Variants in NEGR1 observed in about 807,000 individuals in gnomAD.
NEGR1 encodes the protein neuronal growth regulator 1, also known as IgLON family member 4.
Under a neutral mutation model 40.9 loss-of-function variants are expected in NEGR1, and 10 were observed. That is an observed-to-expected ratio of 0.24 (90% confidence interval 0.15 to 0.42). The LOEUF is 0.42. Ranked by LOEUF, NEGR1 falls within the 10% of genes least tolerant of loss-of-function variation. The pLI is 1.00. For missense variants in NEGR1, 352 were observed against 438.9 expected, an observed-to-expected ratio of 0.80 and a Z score of 1.77; for synonymous variants, 185 against 166.8, an observed-to-expected ratio of 1.11 and a Z score of -0.84.
intron 6 of NEGR1, among the ~76,000 whole-genome samples, chr1:71,526,221 CT>C (rs1647214693): frequency 6.6e-6 from 1 of 151,448 alleles, no homozygotes. Flanking sequence ...GAAATATATT[CT>C]GAGCTGTCTT....
At chr1:71,692,377 T>A (rs1653316192) in intron 4 of NEGR1, among the ~76,000 whole-genome samples, 1 of 151,672 alleles carries the variant, frequency 6.6e-6, no homozygotes, top group Admixed American at 6.6e-5. Flanking sequence ...GTTAGGGGCA[T>A]AAAATGGATC....
intron 4 of NEGR1, among the ~76,000 whole-genome samples, chr1:71,662,378 C>T (rs1395711598): frequency 1.3e-5 from 2 of 152,150 alleles, no homozygotes; most frequent in Admixed American, 6.5e-5. Flanking sequence ...AGTGGTTATG[C>T]ATGGAGAACG....
intron 1 of NEGR1, among the ~76,000 whole-genome samples, chr1:72,219,809 C>G (rs989319575): frequency 1.3e-5 from 2 of 152,134 alleles, no homozygotes; most frequent in Non-Finnish European, 2.9e-5. Context: ...GTTTACAAAC[C>G]AGCTAACAAT....
At chr1:72,128,771 A>G (rs1650127930) in intron 1 of NEGR1, among the ~76,000 whole-genome samples, 1 of 152,114 alleles carries the variant, frequency 6.6e-6, no homozygotes, top group South Asian at 2.1e-4. Flanking sequence ...TATTTTCGGT[A>G]AACATTATTT....
intron 1 of NEGR1, among the ~76,000 whole-genome samples, chr1:72,174,986 C>CT (rs1196728897): frequency 1.3e-5 from 2 of 151,360 alleles, no homozygotes; most frequent in Non-Finnish European, 1.5e-5. Flanking sequence ...TATTATTATA[C>CT]TTTAAGTTTT....
chr1:72,124,961 C>T (rs1158895931), intron 1 of NEGR1, among the ~76,000 whole-genome samples: 5 of 151,946 alleles, frequency 3.3e-5, no homozygotes, highest in Non-Finnish European at 7.4e-5. Context: ...AAAATATTTA[C>T]TAATGATGAT....
intron 1 of NEGR1, among the ~76,000 whole-genome samples, chr1:72,089,417 T>A (rs1417257574): frequency 6.6e-6 from 1 of 152,190 alleles, no homozygotes; most frequent in African/African-American, 2.4e-5. Flanking sequence ...TAGCTAATAA[T>A]TTTTTAAAAG....
At position 71,746,759 on chromosome 1, in the gene NEGR1, T is replaced by TACAC. The variant is rs970204144; in HGVS notation, c.535+29409_535+29412dup. On this transcript the variant is annotated intron_variant, in intron 3 of 6. Coordinates refer to ENST00000357731, the MANE Select transcript of NEGR1 (RefSeq NM_173808.3). ...ACACACATGTACACACACACACGCG[T>TACAC]ACACACACACACGCACACACACACA... is the stretch of plus-strand genomic sequence containing the variant. Among the ~76,000 whole-genome samples, 25 of 147,278 alleles carry TACAC rather than the reference T, an allele frequency of 1.7e-4. No homozygotes were observed. In the East Asian group the frequency reaches 5.1e-3, roughly 30 times the overall value.
At chr1:71,984,844 C>CTAAATT (rs1358142263) in intron 1 of NEGR1, among the ~76,000 whole-genome samples, 1 of 152,006 alleles carries the variant, frequency 6.6e-6, no homozygotes, top group Non-Finnish European at 1.5e-5. Flanking sequence ...GCTGTATAAA[C>CTAAATT]TTAAGCATGA....
chr1:71,995,146 C>T (rs1053593722), intron 1 of NEGR1, among the ~76,000 whole-genome samples: 2 of 152,016 alleles, frequency 1.3e-5, no homozygotes, highest in Non-Finnish European at 2.9e-5. Context: ...GAAAATTTTC[C>T]GTGGTAATAG....
chr1:71,900,412 T>C (rs1378438363), intron 2 of NEGR1, among the ~76,000 whole-genome samples: 1 of 152,220 alleles, frequency 6.6e-6, no homozygotes, highest in Non-Finnish European at 1.5e-5. Context: ...TTTATTATAT[T>C]GAATTGCCCA....
chr1:71,834,858 A>G (rs1658963725), intron 2 of NEGR1, among the ~76,000 whole-genome samples: 1 of 129,798 alleles, frequency 7.7e-6, no homozygotes, highest in Non-Finnish European at 1.7e-5. Flanking sequence ...AATGCCTGCC[A>G]AACACCGTCG....
chr1:71,432,217 G>C (rs1415465408), intron 6 of NEGR1, among the ~76,000 whole-genome samples: 4 of 152,278 alleles, frequency 2.6e-5, no homozygotes, highest in Non-Finnish European at 4.4e-5. Flanking sequence ...GTTAAAGGAA[G>C]ATGGGAAGCA....
chr1:72,053,359 T>C (rs1181433519), intron 1 of NEGR1, among the ~76,000 whole-genome samples: 1 of 47,784 alleles, frequency 2.1e-5, no homozygotes, highest in African/African-American at 6.6e-5. Flanking sequence ...AATTTAGGAT[T>C]TTTTTTTTTC....
At chr1:72,240,945 C>T (rs1654712851) in intron 1 of NEGR1, among the ~76,000 whole-genome samples, 1 of 151,472 alleles carries the variant, frequency 6.6e-6, no homozygotes, top group Admixed American at 6.6e-5. Context: ...TTAAAAGACA[C>T]CTGCTTTTCT....
chr1:71,620,137 C>T (rs1470568563), intron 4 of NEGR1, among the ~76,000 whole-genome samples: 2 of 151,964 alleles, frequency 1.3e-5, no homozygotes, highest in Non-Finnish European at 2.9e-5. Flanking sequence ...TGTTAAATAA[C>T]TGCAACAATA....
intron 2 of NEGR1, among the ~76,000 whole-genome samples, chr1:71,812,787 T>C (rs1054035974): frequency 1.3e-5 from 2 of 152,132 alleles, no homozygotes; most frequent in African/African-American, 4.8e-5. Flanking sequence ...TTTAAAGTCC[T>C]TGTAGATCCC....
chr1:71,744,672 A>G (rs12407479), intron 3 of NEGR1, among the ~76,000 whole-genome samples: 75,036 of 151,868 alleles, frequency 0.49, 18,886 homozygotes, highest in East Asian at 0.77. Flanking sequence ...TGTAGACACC[A>G]TCTGAGAACA....
intron 1 of NEGR1, among the ~76,000 whole-genome samples, chr1:72,128,162 T>C (rs970815634): frequency 1.3e-5 from 2 of 152,164 alleles, no homozygotes; most frequent in African/African-American, 4.8e-5. Flanking sequence ...ATTTCCCATT[T>C]GCTACAAGAT....
Sources: allele counts gnomAD v4.1 joint callset (sites outside exome capture counted in the v4.1 genomes callset), GRCh38; gene constraint gnomAD v4.1.1; transcripts MANE v1.5; gene names NCBI Gene and HGNC (gene_info 2026-07-23, HGNC 2026-07-21).